CACNA2D4: variants seen among roughly 807,000 people sequenced by gnomAD.
CACNA2D4 encodes the protein calcium voltage-gated channel auxiliary subunit alpha2delta 4.
A neutral mutation model predicts 163.8 loss-of-function variants in CACNA2D4; 157 were observed. The observed-to-expected ratio is 0.96, with a 90% CI of 0.84 to 1.09. The LOEUF is 1.09. CACNA2D4 is among the 50% of genes least tolerant of loss of function. CACNA2D4 has a pLI of 0.00. For missense variants in CACNA2D4, 1,410 were observed against 1,479.9 expected (o/e 0.95, Z 0.78); for synonymous variants, 598 against 586.9 (o/e 1.02, Z -0.27).
rs138499287 is a variant in CACNA2D4 at position 1,870,297 on chromosome 12, T to C, written c.1878+4307A>G. ...CCACTGGGGCACCTCGAGGCTTCCC[T>C]GTGTCTGCAGGGCTCAGGAGTCAGC... On this transcript the variant is annotated intron_variant, in intron 18 of 37. Coordinates refer to ENST00000382722, the MANE Select transcript of CACNA2D4 (RefSeq NM_172364.5). 2.0e-4 allele frequency among the ~76,000 whole-genome samples: 31 copies of C among 152,254 alleles called. No homozygotes were observed. In the East Asian group the frequency reaches 6.0e-3, roughly 30 times the overall value.
rs1031216441 is a variant in CACNA2D4 at position 1,793,556 on chromosome 12, C to T, written c.*99G>A. On this transcript the variant is annotated 3_prime_UTR_variant, in exon 38 of 38. Transcript: ENST00000382722. ...ATTGAGAGGAGCGTTGGCCTGGGGG[C>T]GACCCAACTGCAGTTAGCTGCATCC... The T allele has an allele frequency of 1.1e-5, 11 of 1,030,114 alleles. No individual in the cohort carries two copies. The highest frequency in any genetic ancestry group is 6.7e-5 in the South Asian group (5 of 74,806). 63.8% of individuals were successfully genotyped at this position (1,030,114 alleles called of 1,614,324 possible).
At chr12:1,886,447 G>A in intron 7 of CACNA2D4, 74 bp from the exon 8 acceptor site, 2 of 1,425,548 alleles carry the variant, frequency 1.4e-6, no homozygotes, top group Non-Finnish European at 1.9e-6. Flanking sequence ...GGGGTCTGCA[G>A]TTATTTCTGT....
intron 22 of CACNA2D4, among the ~76,000 whole-genome samples, chr12:1,855,361 C>T (rs1454443288): frequency 6.6e-6 from 1 of 152,126 alleles, no homozygotes; most frequent in Admixed American, 6.5e-5. Flanking sequence ...AATTATGTGA[C>T]AGGATGACCT....
Position 1,817,688 on chromosome 12 carries a change from G to C in CACNA2D4, c.2552-5965C>G, listed in dbSNP as rs556229086. Among the ~76,000 whole-genome samples the C allele has an allele frequency of 2.0e-4, 30 of 152,302 alleles. No homozygotes were observed. The East Asian group carries it at 5.6e-3, about 28-fold the overall frequency. On this transcript the variant is annotated intron_variant, in intron 26 of 37. Transcript: ENST00000382722. ...TTTGGTGGAGACGGGGTTTCGCTGT[G>C]TTGGCCGGGCTGGTCTCCAGCTCCT...
intron 3 of CACNA2D4, among the ~76,000 whole-genome samples, chr12:1,912,066 T>G (rs1238599391): frequency 6.6e-6 from 1 of 152,186 alleles, no homozygotes; most frequent in Non-Finnish European, 1.5e-5. Context: ...CCCGGCCTCC[T>G]CCCAGAGTGG....
chr12:1,845,977 T>C (rs1865135004), intron 24 of CACNA2D4, among the ~76,000 whole-genome samples: 1 of 152,130 alleles, frequency 6.6e-6, no homozygotes, highest in African/African-American at 2.4e-5. Context: ...ACATTCCTGG[T>C]GTGGAGGCCT....
chr12:1,907,287 A>G (rs1425582180), intron 6 of CACNA2D4, among the ~76,000 whole-genome samples, 153 bp downstream of exon 6: 1 of 152,200 alleles, frequency 6.6e-6, no homozygotes, highest in African/African-American at 2.4e-5. Flanking sequence ...TCATGCAGTG[A>G]GAAGGGCTAA....
chr12:1,883,575 C>G lies in CACNA2D4; in HGVS notation c.1352-575G>C, dbSNP rs1866057530. ...CCCCCACCTCCCACCGTGTTCATCC[C>G]CCTCGCCAGTGAGATGCAGCACCTC... On this transcript the variant is annotated intron_variant, in intron 12 of 37. Transcript: ENST00000382722. This position sits in a 1 kb window ranked among gnomAD's most constrained non-coding sequence, Gnocchi z 4.5. Among the ~76,000 whole-genome samples the G allele has an allele frequency of 6.6e-6, 1 of 152,164 alleles. No homozygotes were observed. Among genetic ancestry groups the G allele is most frequent in the Non-Finnish European group, 1.5e-5 (1 of 68,022 alleles).
At chr12:1,847,101 T>G (rs1459687092) in intron 23 of CACNA2D4, among the ~76,000 whole-genome samples, 3 of 152,210 alleles carry the variant, frequency 2.0e-5, no homozygotes, top group Non-Finnish European at 4.4e-5. Flanking sequence ...CTCCTCATAC[T>G]TCCCTTCTTA....
chr12:1,888,747 A>C (rs910468649), intron 6 of CACNA2D4, among the ~76,000 whole-genome samples: 1 of 152,258 alleles, frequency 6.6e-6, no homozygotes, highest in African/African-American at 2.4e-5. Flanking sequence ...AGAAGGTTTA[A>C]TACACATCTG....
chr12:1,813,175 G>A (rs1248640113), intron 26 of CACNA2D4, among the ~76,000 whole-genome samples: 1 of 152,168 alleles, frequency 6.6e-6, no homozygotes, highest in Non-Finnish European at 1.5e-5. Context: ...AGGCTCAAGC[G>A]AGATAATGTG....
chr12:1,884,299 A>G lies in CACNA2D4; in HGVS notation c.1295T>C (p.Ile432Thr), dbSNP rs200480596. Residue 432 changes from isoleucine (I) to threonine (T), a missense_variant, in exon 12 of 38, where the codon ATT becomes ACT. Coordinates refer to ENST00000382722, the MANE Select transcript of CACNA2D4 (RefSeq NM_172364.5). ...DCKVRVFTYL[I>T]GREVSFADRM... ...GTCAGCAAAAGACACTTCTCTCCCA[A>G]TGAGGTAAGTGAAAACTCGGACCTA... The G allele has an allele frequency of 1.9e-4, 303 of 1,612,540 alleles. No homozygotes were observed. Among genetic ancestry groups the G allele is most frequent in the Non-Finnish European group, 1.3e-4 (154 of 1,179,518 alleles).
intron 35 of CACNA2D4, 23 bp downstream of exon 35, chr12:1,797,395 G>C: frequency 6.7e-7 from 1 of 1,491,452 alleles, no homozygotes; most frequent in Non-Finnish European, 9.0e-7. Context: ...GGCGGGACGG[G>C]CGGCGCCGCC....
chr12:1,855,941 C>T, intron 22 of CACNA2D4, 71 bp downstream of exon 22: 6 of 1,209,136 alleles, frequency 5.0e-6, no homozygotes. Flanking sequence ...GCCTTCCCAC[C>T]TCTCCTGGCA....
Position 1,829,903 on chromosome 12 carries a change from A to G in CACNA2D4, c.2551+10836T>C, listed in dbSNP as rs1047031521. ...TTCACGATGAGCAGGCTTCTCTGCTACTCAGGAGGACACTTAGGGGTTTTT... is the reference window on the plus strand; with the variant it reads ...TTCACGATGAGCAGGCTTCTCTGCTGCTCAGGAGGACACTTAGGGGTTTTT... On this transcript the variant is annotated intron_variant, in intron 26 of 37. Coordinates refer to ENST00000382722, the MANE Select transcript of CACNA2D4 (RefSeq NM_172364.5). This position sits in a 1 kb window ranked among gnomAD's most constrained non-coding sequence, Gnocchi z 4.2. Among the ~76,000 whole-genome samples the G allele has an allele frequency of 1.3e-5, 2 of 152,022 alleles. No individual in the cohort carries two copies. Among genetic ancestry groups the G allele is most frequent in the African/African-American group, 4.8e-5 (2 of 41,408 alleles).
Position 1,810,596 on chromosome 12 carries a change from A to G in CACNA2D4, c.2614-9T>C. ...CCATCCACAGTGCTGCACTGGAAGG[A>G]AGAGGAGAGACTGAATGTGGACACT... On this transcript the variant is annotated splice_polypyrimidine_tract_variant and intron_variant, in intron 27 of 37. Coordinates refer to ENST00000382722, the MANE Select transcript of CACNA2D4 (RefSeq NM_172364.5). The G allele has an allele frequency of 6.4e-7, 1 of 1,553,066 alleles. No individual in the cohort carries two copies.
intron 26 of CACNA2D4, 110 bp from the exon 27 acceptor site, chr12:1,811,833 G>T: frequency 9.3e-7 from 1 of 1,074,020 alleles, no homozygotes; most frequent in Non-Finnish European, 1.4e-6. Context: ...GAGAGAGACC[G>T]CAGCGGATGG....
intron 2 of CACNA2D4, among the ~76,000 whole-genome samples, chr12:1,914,413 G>A (rs1256429231): frequency 6.6e-6 from 1 of 152,146 alleles, no homozygotes; most frequent in African/African-American, 2.4e-5. Flanking sequence ...CTGACAGCTG[G>A]AGGTATGGGA....
At chr12:1,885,128 G>A in intron 9 of CACNA2D4, 52 bp from the exon 10 acceptor site, 1 of 1,455,462 alleles carries the variant, frequency 6.9e-7, no homozygotes, top group East Asian at 2.3e-5. Context: ...TGGGCCAGTG[G>A]AGCTTCATGT....
Sources: allele counts gnomAD v4.1 joint callset (sites outside exome capture counted in the v4.1 genomes callset), GRCh38; gene constraint gnomAD v4.1.1; non-coding constraint Gnocchi (gnomAD v3.1); transcripts MANE v1.5; gene names NCBI Gene and HGNC (gene_info 2026-07-23, HGNC 2026-07-21).